Variants in KCNH5 observed in about 807,000 individuals in gnomAD.
KCNH5 encodes the protein potassium voltage-gated channel subfamily H member 5, also known as voltage-gated delayed rectifier potassium channel KCNH5.
KCNH5 carries 46 observed loss-of-function variants against 96.1 expected under a neutral mutation model. The ratio of observed to expected loss-of-function variants is 0.48; its 90% CI spans 0.38 to 0.61. KCNH5 has a LOEUF of 0.61. Among genes scored for constraint, KCNH5 ranks in the 20% least tolerant of loss-of-function variants. The probability of loss-of-function intolerance (pLI) is 0.00; values close to 1 mark genes in which losing one functional copy is unlikely to be tolerated. For synonymous variants in KCNH5, 439 were observed against 449.8 expected (o/e 0.98, Z 0.30); for missense variants, 907 against 1,225.8 (o/e 0.74, Z 3.88).
intron 7 of KCNH5, among the ~76,000 whole-genome samples, chr14:62,880,502 G>C (rs1379789319): frequency 6.6e-6 from 1 of 152,168 alleles, no homozygotes; most frequent in Non-Finnish European, 1.5e-5. Flanking sequence ...TGATGTCATT[G>C]AGCACACTGG....
intron 1 of KCNH5, among the ~76,000 whole-genome samples, chr14:63,017,191 A>G (rs1435828011): frequency 6.6e-6 from 1 of 152,050 alleles, no homozygotes; most frequent in African/African-American, 2.4e-5. Flanking sequence ...AAACCAGTTT[A>G]TAATAATTCT....
intron 1 of KCNH5, among the ~76,000 whole-genome samples, chr14:63,031,221 G>A (rs1891620061): frequency 6.7e-6 from 1 of 148,844 alleles, no homozygotes; most frequent in East Asian, 1.9e-4. Context: ...GAACTGCTAA[G>A]TTTTTGTTTT....
At chr14:63,015,052 A>G (rs1891300692) in intron 2 of KCNH5, among the ~76,000 whole-genome samples, 1 of 152,122 alleles carries the variant, frequency 6.6e-6, no homozygotes, top group South Asian at 2.1e-4. Context: ...ACAGATTTTC[A>G]TCACTCCCAT....
At chr14:62,994,612 C>G (rs1890872720) in intron 4 of KCNH5, among the ~76,000 whole-genome samples, 1 of 151,958 alleles carries the variant, frequency 6.6e-6, no homozygotes, top group African/African-American at 2.4e-5. Context: ...TTCAAAGCAG[C>G]ATAATTCTCT....
intron 9 of KCNH5, among the ~76,000 whole-genome samples, chr14:62,792,871 A>C (rs1197898232): frequency 1.3e-5 from 2 of 151,824 alleles, no homozygotes; most frequent in Non-Finnish European, 3.0e-5. Flanking sequence ...CTTTATTCAA[A>C]ATAGGTAGAC....
intron 8 of KCNH5, among the ~76,000 whole-genome samples, chr14:62,846,468 TA>T (rs1274925481): frequency 3.9e-5 from 6 of 151,986 alleles, no homozygotes; most frequent in African/African-American, 1.4e-4. Context: ...AAAGATAAAT[TA>T]AATATATTCA....
chr14:62,890,698 C>CAAAAAAAA (rs1277209731), intron 7 of KCNH5, among the ~76,000 whole-genome samples: 2 of 55,908 alleles, frequency 3.6e-5, no homozygotes, highest in Admixed American at 1.8e-4. Flanking sequence ...GACTCCGTCT[C>CAAAAAAAA]AAAAAAAAAA....
chr14:62,824,584 T>C (rs1393661794), intron 8 of KCNH5, among the ~76,000 whole-genome samples: 1 of 152,084 alleles, frequency 6.6e-6, no homozygotes, highest in Non-Finnish European at 1.5e-5. Context: ...AGTCCACAAT[T>C]GTGAAGATTT....
intron 7 of KCNH5, among the ~76,000 whole-genome samples, chr14:62,895,906 C>A (rs1320223011): frequency 6.6e-6 from 1 of 152,144 alleles, no homozygotes; most frequent in African/African-American, 2.4e-5. Context: ...ACTCCTGAAG[C>A]AGATATACCC....
chr14:62,759,513 CA>C (rs1403573450), intron 10 of KCNH5, among the ~76,000 whole-genome samples: 2 of 128,120 alleles, frequency 1.6e-5, no homozygotes, highest in Non-Finnish European at 3.5e-5. Context: ...GCTGAAAATT[CA>C]AATCCTTTAT....
At chr14:62,774,827 AG>A (rs1253130848) in intron 10 of KCNH5, among the ~76,000 whole-genome samples, 1 of 152,170 alleles carries the variant, frequency 6.6e-6, no homozygotes, top group Non-Finnish European at 1.5e-5. Context: ...AAACCCCAGC[AG>A]GTCCTTCTGC....
chr14:62,917,300 C>G (rs1301956382), intron 7 of KCNH5, among the ~76,000 whole-genome samples: 3 of 151,412 alleles, frequency 2.0e-5, no homozygotes, highest in African/African-American at 7.3e-5. Context: ...GTTTACTGCT[C>G]CCTACTCAAT....
intron 8 of KCNH5, among the ~76,000 whole-genome samples, chr14:62,836,010 T>C (rs979535949): frequency 6.6e-6 from 1 of 152,052 alleles, no homozygotes; most frequent in African/African-American, 2.4e-5. Context: ...CAGGTCTTTT[T>C]ATTGTATATA....
chr14:62,950,772 A>C (rs1025630589), intron 6 of KCNH5, among the ~76,000 whole-genome samples: 1 of 152,214 alleles, frequency 6.6e-6, no homozygotes, highest in African/African-American at 2.4e-5. Context: ...TCATATTTTC[A>C]AATTATTAGA....
intron 1 of KCNH5, among the ~76,000 whole-genome samples, chr14:63,033,181 T>A (rs920987202): frequency 1.3e-5 from 2 of 152,180 alleles, no homozygotes. Flanking sequence ...CGGAAGTAGC[T>A]TTTGGGACTA....
chr14:62,898,609 C>A (rs77811556), intron 7 of KCNH5, among the ~76,000 whole-genome samples: 1 of 151,790 alleles, frequency 6.6e-6, no homozygotes, highest in Admixed American at 6.6e-5. Context: ...GTACTGTTTA[C>A]AAGAGATTCA....
intron 7 of KCNH5, among the ~76,000 whole-genome samples, chr14:62,897,547 G>A (rs1447795563): frequency 3.9e-5 from 6 of 152,026 alleles, no homozygotes; most frequent in East Asian, 1.9e-4. Flanking sequence ...AAAACTGCAC[G>A]GATAAAGAGA....
intron 9 of KCNH5, among the ~76,000 whole-genome samples, 192 bp downstream of exon 9, chr14:62,802,137 C>G (rs191874107): frequency 1.3e-5 from 2 of 152,160 alleles, no homozygotes; most frequent in Non-Finnish European, 2.9e-5. Context: ...AAACTCAGCC[C>G]ATTAGGTTGT....
chr14:62,766,682 G>T (rs1486510887), intron 10 of KCNH5, among the ~76,000 whole-genome samples: 1 of 152,114 alleles, frequency 6.6e-6, no homozygotes, highest in African/African-American at 2.4e-5. Context: ...ACAGAAACTG[G>T]GATGGGTGGT....
Sources: gnomAD v4.1 joint callset for allele counts (sites outside exome capture counted in the v4.1 genomes callset) on GRCh38, gnomAD v4.1.1 for gene constraint, MANE v1.5 for transcripts, NCBI Gene and HGNC (gene_info 2026-07-23, HGNC 2026-07-21) for gene names.